The following GYS2 variants were observed in gnomAD, a reference collection of about 807,000 sequenced individuals.
GYS2 encodes the protein glycogen [starch] synthase, liver.
In GYS2, 80 loss-of-function variants were observed where a neutral mutation model predicts 85.6. The observed-to-expected ratio is 0.93, with a 90% CI of 0.78 to 1.13. The LOEUF (loss-of-function observed/expected upper bound fraction) is 1.13, where lower values mean the gene tolerates loss of function less well. GYS2 is among the 50% of genes most tolerant of loss of function. The pLI is 0.00. For synonymous variants in GYS2, 328 were observed against 300.7 expected (o/e 1.09, Z -0.94); for missense variants, 881 against 854.9 (o/e 1.03, Z -0.38).
chr12:21,585,855 A>G (rs1024462101), intron 1 of GYS2, among the ~76,000 whole-genome samples: 12 of 152,240 alleles, frequency 7.9e-5, no homozygotes, highest in African/African-American at 2.9e-4. Context: ...AAGTTTATGT[A>G]ATAGCATTTG....
intron 6 of GYS2, 51 bp downstream of exon 6, chr12:21,563,177 A>C (rs1483481876): frequency 8.1e-7 from 1 of 1,229,796 alleles, no homozygotes; most frequent in Non-Finnish European, 1.2e-6. Flanking sequence ...TCTCTACCAA[A>C]GATCACTCAT....
Position 21,538,539 on chromosome 12 carries a change from A to G in GYS2, c.1890+719T>C, listed in dbSNP as rs112906203. Among the ~76,000 whole-genome samples, 56 of 152,284 alleles carry G rather than the reference A, an allele frequency of 3.7e-4. 1 individual carries two copies. Among genetic ancestry groups the G allele is most frequent in the African/African-American group, 1.3e-3 (56 of 41,558 alleles). The stretch of plus-strand genomic sequence containing the variant: ...CATGAGATAGAGGCTCCTGTGGGGC[A>G]TGCAGCTACTAAGCTAAGGTGATCT... On this transcript the variant is annotated intron_variant, in intron 15 of 15. Transcript: ENST00000261195.
rs771449145 is a variant in GYS2, at chr12:21,546,358, C to T, written c.1535G>A (p.Trp512Ter). Residue 512 changes from tryptophan (W) to a stop codon, truncating the protein, a stop_gained, in exon 12 of 16, where the codon TGG becomes TAG. Coordinates refer to ENST00000261195, the MANE Select transcript of GYS2 (RefSeq NM_021957.4). LOFTEE classifies it high-confidence loss of function. Reference sequence around the variant, plus strand: ...ATGACACATACCTGGAGTATAACCCCAGGGTTCATAGTATGATGGAAATAC... The same window carrying T: ...ATGACACATACCTGGAGTATAACCCTAGGGTTCATAGTATGATGGAAATAC... Reference protein sequence around the residue: ...LGVFPSYYEPWGYTPAECTVM... With the variant: ...LGVFPSYYEP 1 of 1,603,920 alleles carries T rather than the reference C, an allele frequency of 6.2e-7. No individual in the cohort carries two copies. The highest frequency in any genetic ancestry group is 8.5e-7 in the Non-Finnish European group (1 of 1,171,384).
chr12:21,552,813 A>G (rs1441426488), intron 11 of GYS2, among the ~76,000 whole-genome samples: 1 of 152,026 alleles, frequency 6.6e-6, no homozygotes, highest in Non-Finnish European at 1.5e-5. Context: ...TGTTATTTGC[A>G]TGACAAATTC....
chr12:21,565,072 A>G, intron 5 of GYS2, among the ~76,000 whole-genome samples: 1 of 151,452 alleles, frequency 6.6e-6, no homozygotes, highest in East Asian at 1.9e-4. Context: ...TTCACAAACA[A>G]TTATAAAAAA....
At chr12:21,541,049 G>C (rs988143199) in intron 13 of GYS2, among the ~76,000 whole-genome samples, 18 of 152,094 alleles carry the variant, frequency 1.2e-4, no homozygotes, top group Admixed American at 1.2e-3. Context: ...GAGGTGGGTG[G>C]ATTCCTTGAG....
At chr12:21,599,698 A>G (rs1944733808) in intron 1 of GYS2, among the ~76,000 whole-genome samples, 1 of 152,186 alleles carries the variant, frequency 6.6e-6, no homozygotes, top group Non-Finnish European at 1.5e-5. Context: ...CCTAATTACT[A>G]TGCATCCCGT....
At position 21,546,385 on chromosome 12, in the gene GYS2, C is replaced by T. The variant is rs765678941; in HGVS notation, c.1508G>A (p.Gly503Glu). The change falls in exon 12 of 16, where the codon GGA becomes GAA. Residue 503 changes from glycine (G) to glutamate (E), a missense_variant. By Grantham distance (98) the Gly-to-Glu change is moderately conservative. Coordinates refer to ENST00000261195, the MANE Select transcript of GYS2 (RefSeq NM_021957.4). ...YEEFVRGCHL[G>E]VFPSYYEPWG... ...GGGTTCATAGTATGATGGAAATACT[C>T]CAAGATGACAACCTCTAACAAACTC... is the stretch of plus-strand genomic sequence containing the variant. 1 of 1,601,398 alleles carries T rather than the reference C, an allele frequency of 6.2e-7. No individual in the cohort carries two copies. The highest frequency in any genetic ancestry group is 1.1e-5 in the South Asian group (1 of 90,714).
chr12:21,571,825 G>A (rs1027132889), intron 4 of GYS2, among the ~76,000 whole-genome samples: 4 of 152,120 alleles, frequency 2.6e-5, no homozygotes, highest in African/African-American at 9.7e-5. Context: ...AGCTGGCTGT[G>A]GTTGTGCGTG....
At chr12:21,537,239 A>G in intron 15 of GYS2, 64 bp from the exon 16 acceptor site, 2 of 1,106,734 alleles carry the variant, frequency 1.8e-6, no homozygotes, top group Non-Finnish European at 2.7e-6. Context: ...CGATGTAAAT[A>G]CTATGCATGC....
intron 4 of GYS2, 37 bp from the exon 5 acceptor site, chr12:21,569,046 A>T: frequency 6.2e-7 from 1 of 1,609,030 alleles, no homozygotes; most frequent in Non-Finnish European, 8.5e-7. Flanking sequence ...ATTTGCTAAC[A>T]ATGGCCCTTC....
At chr12:21,545,738 A>G (rs1944030893) in intron 12 of GYS2, among the ~76,000 whole-genome samples, 1 of 152,182 alleles carries the variant, frequency 6.6e-6, no homozygotes, top group African/African-American at 2.4e-5. Flanking sequence ...AAGAAGGAGG[A>G]GTTTCTGAAT....
chr12:21,565,493 C>T (rs918788188), intron 5 of GYS2, among the ~76,000 whole-genome samples: 13 of 140,056 alleles, frequency 9.3e-5, no homozygotes, highest in African/African-American at 1.3e-4. Context: ...TGTAATGGTG[C>T]GCAGTAACAT....
chr12:21,603,790 C>CTT lies in GYS2; in HGVS notation c.121+680_121+681dup, dbSNP rs542002588. Among the ~76,000 whole-genome samples, 7 of 152,196 alleles carry CTT rather than the reference C, an allele frequency of 4.6e-5. No homozygotes were observed. The South Asian group carries it at 1.2e-3, about 27-fold the overall frequency. ...AATTGTTTTATAATTTTACAGATGT[C>CTT]TTTATTTTCAAAATCATTTACATTG... On this transcript the variant is annotated intron_variant, in intron 1 of 15. Transcript: ENST00000261195.
chr12:21,596,264 C>A (rs1944695733), intron 1 of GYS2, among the ~76,000 whole-genome samples: 1 of 152,042 alleles, frequency 6.6e-6, no homozygotes, highest in Non-Finnish European at 1.5e-5. Context: ...ATGAAGCCAG[C>A]ATCACACCAA....
Position 21,580,336 on chromosome 12 carries a change from C to G in GYS2, c.303+6G>C, listed in dbSNP as rs1322887844. ...GAATTGCCAAGTGAAGTGTCAGTTC[C>G]TTTACCTGGCAGCCATGCTTATTCA... On this transcript the variant is annotated splice_donor_region_variant and intron_variant, in intron 2 of 15. Transcript: ENST00000261195. 7 of 1,611,992 alleles carry G rather than the reference C, an allele frequency of 4.3e-6. No homozygotes were observed. The highest frequency in any genetic ancestry group is 5.9e-6 in the Non-Finnish European group (7 of 1,178,542).
intron 5 of GYS2, among the ~76,000 whole-genome samples, chr12:21,565,387 T>G: frequency 1.2e-5 from 1 of 83,240 alleles, no homozygotes; most frequent in Non-Finnish European, 2.2e-5. Flanking sequence ...TTTCCATCCA[T>G]GAAATATATA....
At position 21,559,156 on chromosome 12, in the gene GYS2, C is replaced by A; in HGVS notation, c.1243G>T (p.Asp415Tyr). The A allele has an allele frequency of 6.2e-7, 1 of 1,604,456 alleles. No individual in the cohort carries two copies. Among genetic ancestry groups the A allele is most frequent in the South Asian group, 1.1e-5 (1 of 90,628 alleles). ...TCTCGATCTAAAATATCGTTCAGGT[C>A]AGGAATTTCTCCTCTGCAGGGAAAA... Reference protein sequence around the residue: ...YDALLRGEIPDLNDILDRDDL... With the variant: ...YDALLRGEIPYLNDILDRDDL... The change falls in exon 10 of 16, where the codon GAC becomes TAC. Residue 415 changes from aspartate to tyrosine, a missense_variant. Physicochemically the swap from Asp to Tyr is radical, Grantham distance 160. Coordinates refer to ENST00000261195, the MANE Select transcript of GYS2 (RefSeq NM_021957.4).
chr12:21,540,383 CTGCTG>C, intron 14 of GYS2, 22 bp downstream of exon 14: 1 of 1,599,118 alleles, frequency 6.3e-7, no homozygotes, highest in Non-Finnish European at 8.6e-7. Context: ...TTTAAGTGGT[CTGCTG>C]TGTTTATCTA....
Sources: gnomAD v4.1 joint callset for allele counts (sites outside exome capture counted in the v4.1 genomes callset) on GRCh38, gnomAD v4.1.1 for gene constraint, MANE v1.5 for transcripts, NCBI Gene and HGNC (gene_info 2026-07-23, HGNC 2026-07-21) for gene names.